MAVS: variants seen among roughly 807,000 people sequenced by gnomAD.
MAVS encodes mitochondrial antiviral signaling protein, also known as mitochondrial antiviral-signaling protein.
MAVS carries 20 observed loss-of-function variants against 30.2 expected under a neutral mutation model. The observed-to-expected ratio is 0.66, with a 90% CI of 0.47 to 0.96. The LOEUF (loss-of-function observed/expected upper bound fraction) is 0.96, where lower values mean the gene tolerates loss of function less well. MAVS is among the 40% of genes least tolerant of loss of function. The probability of loss-of-function intolerance (pLI) is 0.00; values close to 1 mark genes in which losing one functional copy is unlikely to be tolerated. For synonymous variants in MAVS, 278 were observed against 293.9 expected (o/e 0.95, Z 0.55); for missense variants, 624 against 701.1 (o/e 0.89, Z 1.24).
chr20:3,850,921 C>T (rs555116395), intron 1 of MAVS, among the ~76,000 whole-genome samples: 12 of 151,646 alleles, frequency 7.9e-5, no homozygotes, highest in African/African-American at 1.2e-4. Flanking sequence ...GCTTAGAGGC[C>T]GGCCACAGTG....
At chr20:3,864,848 C>T in intron 6 of MAVS, 60 bp downstream of exon 6, 1 of 1,571,502 alleles carries the variant, frequency 6.4e-7, no homozygotes. Flanking sequence ...AGCTTGCCCA[C>T]CTGGCCCTGG....
At chr20:3,853,655 A>G (rs1211473674) in intron 1 of MAVS, among the ~76,000 whole-genome samples, 1 of 152,092 alleles carries the variant, frequency 6.6e-6, no homozygotes, top group Admixed American at 6.6e-5. Context: ...TTAGCTGGGC[A>G]TAGTGGCGCA....
rs930813996 is a variant in MAVS at position 3,869,377 on chromosome 20, G to T, written c.*3230G>T. 2.0e-5 allele frequency: 3 copies of T among 151,866 alleles called. No individual in the cohort carries two copies. Among genetic ancestry groups the T allele is most frequent in the African/African-American group, 7.3e-5 (3 of 41,344 alleles). The allele number at this position is 151,866 out of a possible 1,614,324, so 9.4% of individuals were successfully genotyped here. A position where few individuals can be genotyped will look rare whatever the true frequency, so the allele number is the denominator to read the frequency against. On this transcript the variant is annotated 3_prime_UTR_variant, in exon 7 of 7. Coordinates refer to ENST00000428216, the MANE Select transcript of MAVS (RefSeq NM_020746.5). ...TTTAGTAGAGACGGGGTTTCACTGT[G>T]TTAGCCAGGATGGTCTCGATCTCCT...
At position 3,859,990 on chromosome 20, in the gene MAVS, G is replaced by C. The variant is rs561703780; in HGVS notation, c.293-1342G>C. On this transcript the variant is annotated intron_variant, in intron 3 of 6. Coordinates refer to ENST00000428216, the MANE Select transcript of MAVS (RefSeq NM_020746.5). Reference sequence around the variant, plus strand: ...TGCAACCATGCCCGGCTAACTTTTTGTATTTTTTAGTAGAGATGGGGTTTC... The same window carrying C: ...TGCAACCATGCCCGGCTAACTTTTTCTATTTTTTAGTAGAGATGGGGTTTC... Among the ~76,000 whole-genome samples the C allele has an allele frequency of 4.0e-5, 6 of 150,930 alleles. No homozygotes were observed. The South Asian group carries it at 8.4e-4, about 21-fold the overall frequency.
At chr20:3,848,880 T>A (rs528081206) in intron 1 of MAVS, among the ~76,000 whole-genome samples, 2 of 152,040 alleles carry the variant, frequency 1.3e-5, no homozygotes, top group Non-Finnish European at 2.9e-5. Context: ...TTTCTCTCCC[T>A]TATCTCCTAC....
rs1244550238 is a variant in MAVS at position 3,857,621 on chromosome 20, A to G, written c.118-14A>G. On this transcript the variant is annotated splice_polypyrimidine_tract_variant and intron_variant, in intron 2 of 6. Coordinates refer to ENST00000428216, the MANE Select transcript of MAVS (RefSeq NM_020746.5). Reference sequence around the variant, plus strand: ...CACCTGGCTTGAGCAGGACAGTGGCATTGTGTCTTCCAGGATCGACTGCGG... The same window carrying G: ...CACCTGGCTTGAGCAGGACAGTGGCGTTGTGTCTTCCAGGATCGACTGCGG... 10 of 1,602,050 alleles carry G rather than the reference A, an allele frequency of 6.2e-6. No individual in the cohort carries two copies. Among genetic ancestry groups the G allele is most frequent in the Non-Finnish European group, 8.5e-6 (10 of 1,172,982 alleles).
In MAVS at chr20:3,871,617, T is replaced by A. The variant is rs1446699408; in HGVS notation, c.*5470T>A. ...CTCCGTAGCATGTCTCCTGCTCCCA[T>A]CTCTTAGGAATGGAGTCCTTCAGGC... On this transcript the variant is annotated 3_prime_UTR_variant, in exon 7 of 7. Coordinates refer to ENST00000428216, the MANE Select transcript of MAVS (RefSeq NM_020746.5). 1 of 152,308 alleles carries A rather than the reference T, an allele frequency of 6.6e-6. No individual in the cohort carries two copies. Among genetic ancestry groups the A allele is most frequent in the Non-Finnish European group, 1.5e-5 (1 of 68,056 alleles). The allele number at this position is 152,308 out of a possible 1,614,324, so 9.4% of individuals were successfully genotyped here.
At chr20:3,857,841 C>T (rs2089825876) in intron 3 of MAVS, 32 bp downstream of exon 3, 3 of 1,611,500 alleles carry the variant, frequency 1.9e-6, no homozygotes, top group Non-Finnish European at 2.5e-6. Context: ...TCCTGGACCC[C>T]CAGCCTGCTC....
intron 1 of MAVS, among the ~76,000 whole-genome samples, chr20:3,847,888 A>G (rs1004651427): frequency 6.6e-6 from 1 of 152,192 alleles, no homozygotes; most frequent in Non-Finnish European, 1.5e-5. Context: ...TTTCCCTGTC[A>G]CGGGATTGGG....
At chr20:3,855,781 T>TA (rs961506352) in intron 2 of MAVS, among the ~76,000 whole-genome samples, 5 of 152,208 alleles carry the variant, frequency 3.3e-5, no homozygotes, top group Non-Finnish European at 5.9e-5. Context: ...TTATTTTCTT[T>TA]AAAAAATTTT....
Position 3,874,397 on chromosome 20 carries a change from CAA to C in MAVS, c.*8251_*8252del, listed in dbSNP as rs2089976180. 27 of 395,678 alleles carry C rather than the reference CAA, an allele frequency of 6.8e-5. No homozygotes were observed. The East Asian group carries it at 9.3e-4, about 14-fold the overall frequency. The allele number at this position is 395,678 out of a possible 1,614,324, so 24.5% of individuals were successfully genotyped here. On this transcript the variant is annotated 3_prime_UTR_variant, in exon 7 of 7. Transcript: ENST00000428216. ...GATGTGGAAATAAAAACCACCTAAACAAGAGCAGAGAGGCCATTTGGTCAAAG... is the reference window on the plus strand; with the variant it reads ...GATGTGGAAATAAAAACCACCTAAACGAGCAGAGAGGCCATTTGGTCAAAG...
At chr20:3,862,950 C>T (rs2089877721) in intron 5 of MAVS, among the ~76,000 whole-genome samples, 1 of 152,136 alleles carries the variant, frequency 6.6e-6, no homozygotes, top group Non-Finnish European at 1.5e-5. Flanking sequence ...AAATAGACTC[C>T]CTCCCTAGAC....
rs773636579 is a variant in MAVS, at chr20:3,857,957, G to C, written c.292+148G>C. The stretch of plus-strand genomic sequence containing the variant: ...TGAATAAACCTGGGTGTAGATCCAG[G>C]CTGAGCCACTTACCAGCTGTGTCCC... On this transcript the variant is annotated intron_variant, in intron 3 of 6. Transcript: ENST00000428216. 1.0e-5 allele frequency: 9 copies of C among 882,094 alleles called. No individual in the cohort carries two copies. The African/African-American group carries it at 1.5e-4, about 15-fold the overall frequency. 54.6% of individuals were successfully genotyped at this position (882,094 alleles called of 1,614,324 possible).
At position 3,865,447 on chromosome 20, in the gene MAVS, C is replaced by T. The variant is rs540881965; in HGVS notation, c.1159-236C>T. On this transcript the variant is annotated intron_variant, in intron 6 of 6. Transcript: ENST00000428216. This position sits in a 1 kb window ranked among gnomAD's most constrained non-coding sequence, Gnocchi z 4.7. The stretch of plus-strand genomic sequence containing the variant: ...CCAAAGGCTTCCAGGTGGGCATGAG[C>T]TCACAGGCAGGCCAGGGAGTAGGGA... Among the ~76,000 whole-genome samples the T allele has an allele frequency of 6.6e-6, 1 of 152,284 alleles. No individual in the cohort carries two copies. The highest frequency in any genetic ancestry group is 1.9e-4 in the East Asian group (1 of 5,190).
Position 3,864,413 on chromosome 20 carries a change from G to A in MAVS, c.783G>A (p.Leu261=), listed in dbSNP as rs768535255. The A allele has an allele frequency of 1.2e-6, 2 of 1,613,858 alleles. No homozygotes were observed. Among genetic ancestry groups the A allele is most frequent in the Non-Finnish European group, 1.7e-6 (2 of 1,179,992 alleles). ...GTSFSSSSPG[L]ASAGAAEGKQ... ...CCTTCTCCTCCTCATCCCCTGGCTTGGCCTCTGCAGGGGCTGCAGAGGGTA... is the reference window on the plus strand; with the variant it reads ...CCTTCTCCTCCTCATCCCCTGGCTTAGCCTCTGCAGGGGCTGCAGAGGGTA... The change falls in exon 6 of 7, where the codon TTG becomes TTA. Residue 261 remains leucine (L), a synonymous_variant. Coordinates refer to ENST00000428216, the MANE Select transcript of MAVS (RefSeq NM_020746.5).
Position 3,869,427 on chromosome 20 carries a change from C to A in MAVS, c.*3280C>A, listed in dbSNP as rs899073202. The A allele has an allele frequency of 3.9e-5, 6 of 152,150 alleles. No homozygotes were observed. Among genetic ancestry groups the A allele is most frequent in the Non-Finnish European group, 7.3e-5 (5 of 68,080 alleles). The allele number at this position is 152,150 out of a possible 1,614,324, so 9.4% of individuals were successfully genotyped here. On this transcript the variant is annotated 3_prime_UTR_variant, in exon 7 of 7. Coordinates refer to ENST00000428216, the MANE Select transcript of MAVS (RefSeq NM_020746.5). ...TGACCTTGTGATCCGCCCGCCTCGG[C>A]CTCCCAAAGTGCTGGGATTACAGGC...
chr20:3,848,319 A>G (rs375265763), intron 1 of MAVS, among the ~76,000 whole-genome samples: 10 of 152,060 alleles, frequency 6.6e-5, no homozygotes, highest in East Asian at 1.9e-4. Context: ...GGCTGGTCTC[A>G]AACTCCTGAC....
At chr20:3,860,680 T>G in intron 3 of MAVS, among the ~76,000 whole-genome samples, 1 of 151,266 alleles carries the variant, frequency 6.6e-6, no homozygotes. Context: ...TGGCTTCTTT[T>G]TCTTTTTTTC....
intron 1 of MAVS, among the ~76,000 whole-genome samples, chr20:3,847,155 T>C (rs1225761271): frequency 6.6e-6 from 1 of 152,064 alleles, no homozygotes; most frequent in Non-Finnish European, 1.5e-5. Context: ...GCTGGGCGTC[T>C]GCTCAGGCTG....
Sources: allele counts gnomAD v4.1 joint callset (sites outside exome capture counted in the v4.1 genomes callset), GRCh38; gene constraint gnomAD v4.1.1; non-coding constraint Gnocchi (gnomAD v3.1); transcripts MANE v1.5; gene names NCBI Gene and HGNC (gene_info 2026-07-23, HGNC 2026-07-21).